The following CERT1 variants were observed in gnomAD, a reference collection of about 807,000 sequenced individuals.
CERT1 encodes the protein ceramide transfer protein.
CERT1 carries 31 observed loss-of-function variants against 87.9 expected under a neutral mutation model. That is an observed-to-expected ratio of 0.35 (90% CI 0.27 to 0.48). CERT1 has a LOEUF of 0.48. Ranked by LOEUF, CERT1 falls within the 20% of genes least tolerant of loss-of-function variation. CERT1 has a pLI of 0.99. For synonymous variants in CERT1, 289 were observed against 250.9 expected, an observed-to-expected ratio of 1.15 and a Z score of -1.44; for missense variants, 487 against 758.0, an observed-to-expected ratio of 0.64 and a Z score of 4.20.
chr5:75,389,585 G>C lies in CERT1; in HGVS notation c.1284+7C>G, dbSNP rs1761950282. On this transcript the variant is annotated splice_region_variant and intron_variant, in intron 12 of 16. Transcript: ENST00000643780. The stretch of plus-strand genomic sequence containing the variant: ...TTGGCAATCTATAACATTTCAGGGG[G>C]AATTACCTTCATTTCTCCTTCTTCT... 6.2e-7 allele frequency: 1 copy of C among 1,608,220 alleles called. No homozygotes were observed. Among genetic ancestry groups the C allele is most frequent in the East Asian group, 2.2e-5 (1 of 44,844 alleles).
intron 2 of CERT1, among the ~76,000 whole-genome samples, chr5:75,499,332 C>G (rs1384741252): frequency 2.0e-5 from 3 of 152,154 alleles, no homozygotes; most frequent in Non-Finnish European, 4.4e-5. Context: ...TACAGTTTGG[C>G]TGTGTCCCCA....
rs537919363 is a variant in CERT1 at position 75,397,163 on chromosome 5, A to G, written c.1188+2147T>C. ...TTACAACAGTGAATTGCTAGAGTCC[A>G]CGTCTGCTAATGACAACTAATGCTT... On this transcript the variant is annotated intron_variant, in intron 11 of 16. Transcript: ENST00000643780. Among the ~76,000 whole-genome samples, 4 of 152,370 alleles carry G rather than the reference A, an allele frequency of 2.6e-5. No individual in the cohort carries two copies. In the East Asian group the frequency reaches 7.7e-4, roughly 29 times the overall value.
In CERT1 at chr5:75,385,894, C is replaced by T; in HGVS notation, c.1417+8G>A. On this transcript the variant is annotated splice_region_variant and intron_variant, in intron 13 of 16. Transcript: ENST00000643780. The stretch of plus-strand genomic sequence containing the variant: ...ATAGATTAAAATATATTAATAATGA[C>T]AGCTTACTTTCCCAGTCATTGCGAA... 1 of 1,482,692 alleles carries T rather than the reference C, an allele frequency of 6.7e-7. No individual in the cohort carries two copies. Among genetic ancestry groups the T allele is most frequent in the African/African-American group, 1.4e-5 (1 of 69,676 alleles). The allele number at this position is 1,482,692 out of a possible 1,614,324, so 91.8% of individuals were successfully genotyped here. A position where few individuals can be genotyped will look rare whatever the true frequency, so the allele number is the denominator to read the frequency against.
intron 7 of CERT1, among the ~76,000 whole-genome samples, chr5:75,414,074 AACT>A (rs1763039670): frequency 6.6e-6 from 1 of 152,228 alleles, no homozygotes; most frequent in South Asian, 2.1e-4. Flanking sequence ...AAAAAGAATA[AACT>A]ACTATTAAAT....
chr5:75,393,541 GATTGCTT>G (rs1762111221), intron 11 of CERT1, among the ~76,000 whole-genome samples: 1 of 132,940 alleles, frequency 7.5e-6, no homozygotes, highest in Admixed American at 8.5e-5. Context: ...AGCTTGGGAG[GATTGCTT>G]GGGCCTAGGA....
At chr5:75,387,630 T>C (rs7356633) in intron 12 of CERT1, among the ~76,000 whole-genome samples, 16,815 of 150,784 alleles carry the variant, frequency 0.11, 1,104 homozygotes, top group South Asian at 0.22. Context: ...TAATCCCAGC[T>C]ACCTGGGAGG....
At chr5:75,461,938 G>A (rs1040045218) in intron 2 of CERT1, among the ~76,000 whole-genome samples, 1 of 151,910 alleles carries the variant, frequency 6.6e-6, no homozygotes, top group Admixed American at 6.6e-5. Context: ...ACACATATGT[G>A]CCCCAAACTT....
intron 2 of CERT1, among the ~76,000 whole-genome samples, chr5:75,463,286 C>A (rs145780094): frequency 1.5e-3 from 227 of 152,182 alleles, no homozygotes; most frequent in Middle Eastern, 6.8e-3. Context: ...CCCTCTACCC[C>A]ACAATTAAAT....
intron 9 of CERT1, chr5:75,401,292 A>G (rs1369473250): frequency 6.6e-6 from 1 of 152,212 alleles, no homozygotes; most frequent in Non-Finnish European, 1.5e-5. Context: ...GGGTTCATCA[A>G]TTCTCTCAAA....
At chr5:75,415,385 G>A (rs1763095812) in intron 7 of CERT1, among the ~76,000 whole-genome samples, 1 of 152,184 alleles carries the variant, frequency 6.6e-6, no homozygotes, top group Non-Finnish European at 1.5e-5. Context: ...GTTGCATGGA[G>A]AAGCAACAAA....
intron 2 of CERT1, among the ~76,000 whole-genome samples, chr5:75,477,748 T>C (rs549717233): frequency 6.6e-6 from 1 of 151,796 alleles, no homozygotes; most frequent in South Asian, 2.1e-4. Flanking sequence ...ATAAGCAAGT[T>C]TGTATATATA....
intron 1 of CERT1, among the ~76,000 whole-genome samples, chr5:75,506,738 A>G (rs1767667072): frequency 6.6e-6 from 1 of 152,178 alleles, no homozygotes; most frequent in South Asian, 2.1e-4. Context: ...TGGCCAATAC[A>G]TTTTCCAAGT....
intron 3 of CERT1, among the ~76,000 whole-genome samples, chr5:75,458,650 C>T (rs536977317): frequency 5.3e-5 from 8 of 151,964 alleles, no homozygotes; most frequent in African/African-American, 1.9e-4. Flanking sequence ...CTCCCGGATT[C>T]AAGCGGTTCT....
chr5:75,505,767 C>T (rs1767621608), intron 2 of CERT1: 1 of 332,464 alleles, frequency 3.0e-6, no homozygotes, highest in Non-Finnish European at 5.4e-6. Flanking sequence ...GTTTGATATA[C>T]CCACCAGATA....
chr5:75,403,338 G>A (rs1487414964), intron 8 of CERT1, among the ~76,000 whole-genome samples: 1 of 152,250 alleles, frequency 6.6e-6, no homozygotes, highest in Admixed American at 6.5e-5. Flanking sequence ...TATGGCCCAA[G>A]GGCCAAATCC....
At position 75,378,189 on chromosome 5, in the gene CERT1, G is replaced by A. The variant is rs111970624; in HGVS notation, c.*1157C>T. 6,583 of 152,394 alleles carry A rather than the reference G, an allele frequency of 0.043. 178 individuals carry two copies. Among genetic ancestry groups the A allele is most frequent in the Non-Finnish European group, 0.063 (4,272 of 68,100 alleles). The allele number at this position is 152,394 out of a possible 1,614,324, so 9.4% of individuals were successfully genotyped here. A position where few individuals can be genotyped will look rare whatever the true frequency, so the allele number is the denominator to read the frequency against. On this transcript the variant is annotated 3_prime_UTR_variant, in exon 17 of 17. Coordinates refer to ENST00000643780, the MANE Select transcript of CERT1 (RefSeq NM_001379029.1). Reference sequence around the variant, plus strand: ...AAACCCAGCATTTTGGGAGGCCCAGGAGAGCAGGTCACCTGAGGTAAGGAG... The same window carrying A: ...AAACCCAGCATTTTGGGAGGCCCAGAAGAGCAGGTCACCTGAGGTAAGGAG...
intron 6 of CERT1, among the ~76,000 whole-genome samples, chr5:75,418,537 A>T (rs1320395559): frequency 6.6e-6 from 1 of 152,232 alleles, no homozygotes; most frequent in East Asian, 1.9e-4. Flanking sequence ...ATTGTATATG[A>T]ATGCTCATAG....
chr5:75,492,231 G>A (rs1171144007), intron 2 of CERT1, among the ~76,000 whole-genome samples: 5 of 152,080 alleles, frequency 3.3e-5, no homozygotes, highest in African/African-American at 1.2e-4. Context: ...GCCAGGTGTG[G>A]TGGTGCACCT....
At chr5:75,488,959 G>C (rs911665512) in intron 2 of CERT1, among the ~76,000 whole-genome samples, 14 of 152,036 alleles carry the variant, frequency 9.2e-5, no homozygotes, top group Admixed American at 6.6e-4. Flanking sequence ...TAAGCAAAAA[G>C]AACAAAGCTG....
Sources: allele counts gnomAD v4.1 joint callset (sites outside exome capture counted in the v4.1 genomes callset), GRCh38; gene constraint gnomAD v4.1.1; transcripts MANE v1.5; gene names NCBI Gene and HGNC (gene_info 2026-07-23, HGNC 2026-07-21).